GRID2: variants seen among roughly 807,000 people sequenced by gnomAD.
GRID2 encodes the protein glutamate receptor ionotropic, delta-2.
GRID2 carries 33 observed loss-of-function variants against 114.8 expected under a neutral mutation model. That is an observed-to-expected ratio of 0.29 (90% CI 0.22 to 0.38). The LOEUF (loss-of-function observed/expected upper bound fraction) is 0.38, where lower values mean the gene tolerates loss of function less well. GRID2 is among the 10% of genes least tolerant of loss of function. The probability of loss-of-function intolerance (pLI) is 1.00; values close to 1 mark genes in which losing one functional copy is unlikely to be tolerated. For synonymous variants in GRID2, 505 were observed against 449.9 expected, an observed-to-expected ratio of 1.12 and a Z score of -1.55; for missense variants, 1,184 against 1,257.7, an observed-to-expected ratio of 0.94 and a Z score of 0.89.
intron 14 of GRID2, among the ~76,000 whole-genome samples, chr4:93,765,957 A>C (rs538384303): frequency 3.6e-4 from 55 of 152,348 alleles, no homozygotes; most frequent in African/African-American, 1.3e-3. Flanking sequence ...AGATGAATAA[A>C]ACAGGAATGG....
chr4:92,956,849 A>G (rs933861291), intron 2 of GRID2, among the ~76,000 whole-genome samples: 2 of 152,170 alleles, frequency 1.3e-5, no homozygotes, highest in Non-Finnish European at 2.9e-5. Context: ...TGGCTATTCT[A>G]ATAGGTTTGT....
chr4:92,346,000 C>G (rs2110172998), intron 1 of GRID2, among the ~76,000 whole-genome samples: 1 of 152,264 alleles, frequency 6.6e-6, no homozygotes, highest in East Asian at 1.9e-4. Context: ...CACTTTACTT[C>G]TTGGGAAAGA....
intron 2 of GRID2, among the ~76,000 whole-genome samples, chr4:92,688,010 T>G (rs1344874480): frequency 6.7e-6 from 1 of 149,010 alleles, no homozygotes; most frequent in African/African-American, 2.4e-5. Flanking sequence ...GCCATGATGT[T>G]TGCCACATTG....
At chr4:92,553,619 T>C (rs577025082) in intron 1 of GRID2, among the ~76,000 whole-genome samples, 1 of 152,228 alleles carries the variant, frequency 6.6e-6, no homozygotes, top group East Asian at 1.9e-4. Context: ...ATTAATGACA[T>C]ACCTCCCCAA....
chr4:93,268,097 A>G (rs1483741148), intron 8 of GRID2, among the ~76,000 whole-genome samples: 2 of 152,014 alleles, frequency 1.3e-5, no homozygotes, highest in East Asian at 3.9e-4. Context: ...GATTCTGCCC[A>G]TTTTCTTTTT....
chr4:93,341,599 T>C (rs953851763), intron 8 of GRID2, among the ~76,000 whole-genome samples: 2 of 152,184 alleles, frequency 1.3e-5, no homozygotes, highest in African/African-American at 4.8e-5. Context: ...GCTAGGATTA[T>C]AGGCGTGAGC....
chr4:93,721,826 A>G (rs775947018), intron 14 of GRID2, among the ~76,000 whole-genome samples: 3 of 152,106 alleles, frequency 2.0e-5, no homozygotes, highest in Non-Finnish European at 4.4e-5. Flanking sequence ...TCATAATAAC[A>G]GGATTAAGTG....
chr4:92,464,319 C>T (rs1477488726), intron 1 of GRID2, among the ~76,000 whole-genome samples: 1 of 151,980 alleles, frequency 6.6e-6, no homozygotes, highest in Non-Finnish European at 1.5e-5. Context: ...CCGTTCTTTT[C>T]CTGTCCTAAC....
chr4:92,724,563 A>G (rs1398350947), intron 2 of GRID2, among the ~76,000 whole-genome samples: 4 of 152,220 alleles, frequency 2.6e-5, no homozygotes, highest in Non-Finnish European at 5.9e-5. Context: ...GTAAAATTGT[A>G]TGACTATTGT....
At position 92,512,932 on chromosome 4, in the gene GRID2, AACTT is replaced by A. The variant is rs1219889412; in HGVS notation, c.89-77194_89-77191del. On this transcript the variant is annotated intron_variant, in intron 1 of 15. Transcript: ENST00000282020. ...TATTGTGGTTGAGTCTTAAAGTTTT[AACTT>A]ACTTTGAATTGAGTGAGACATTGAG... Among the ~76,000 whole-genome samples the A allele has an allele frequency of 2.6e-5, 4 of 151,874 alleles. No individual in the cohort carries two copies. The East Asian group carries it at 5.8e-4, about 22-fold the overall frequency.
chr4:92,522,552 T>G (rs1482616478), intron 1 of GRID2, among the ~76,000 whole-genome samples: 1 of 151,942 alleles, frequency 6.6e-6, no homozygotes, highest in African/African-American at 2.4e-5. Flanking sequence ...ACCCTCCTAA[T>G]GAAGCTATTG....
Position 93,772,326 on chromosome 4 carries a change from G to A in GRID2, c.2852G>A (p.Gly951Asp), listed in dbSNP as rs777089501. 1.9e-6 allele frequency: 3 copies of A among 1,614,094 alleles called. No homozygotes were observed. Among genetic ancestry groups the A allele is most frequent in the Admixed American group, 3.3e-5 (2 of 59,990 alleles). Residue 951 changes from glycine to aspartate, a missense_variant, in exon 16 of 16, where the codon GGT (glycine) becomes GAT (aspartate). Physicochemically the swap from Gly to Asp is moderately conservative, Grantham distance 94. Coordinates refer to ENST00000282020, the MANE Select transcript of GRID2 (RefSeq NM_001510.4). ...ACACTGTCAGCTAAAGCTGCTTCTG[G>A]TTTCACTTTTGGCAACGTGCCTGAG... is the stretch of plus-strand genomic sequence containing the variant. ...SRTLSAKAAS[G>D]FTFGNVPEHR...
rs532865725 is a variant in GRID2 at position 93,007,416 on chromosome 4, C to T, written c.245-77579C>T. 1.4e-3 allele frequency among the ~76,000 whole-genome samples: 219 copies of T among 152,030 alleles called. 1 individual carries two copies. The highest frequency in any genetic ancestry group is 3.4e-3 in the Middle Eastern group (1 of 294). On this transcript the variant is annotated intron_variant, in intron 2 of 15. Transcript: ENST00000282020. ...AAAGGAAAAAAGAAAATTAGGTTGT[C>T]GTGAGAAATCTTCACAGCAATAGTC...
intron 1 of GRID2, among the ~76,000 whole-genome samples, chr4:92,407,240 G>C (rs181242245): frequency 6.6e-6 from 1 of 152,180 alleles, no homozygotes; most frequent in East Asian, 1.9e-4. Flanking sequence ...ACAGTTCAAG[G>C]TGATATTTGG....
At chr4:92,964,682 T>A (rs1279045336) in intron 2 of GRID2, among the ~76,000 whole-genome samples, 1 of 152,040 alleles carries the variant, frequency 6.6e-6, no homozygotes, top group Non-Finnish European at 1.5e-5. Context: ...TGGAGAAGAC[T>A]TTTCTCCTTA....
intron 1 of GRID2, among the ~76,000 whole-genome samples, chr4:92,452,208 C>T (rs975935227): frequency 2.0e-5 from 3 of 152,056 alleles, no homozygotes; most frequent in African/African-American, 7.2e-5. Flanking sequence ...TAATATTATG[C>T]CACATAAATG....
chr4:92,570,371 G>A (rs1727550245), intron 1 of GRID2, among the ~76,000 whole-genome samples: 1 of 152,100 alleles, frequency 6.6e-6, no homozygotes, highest in Admixed American at 6.6e-5. Context: ...CTGTGGTATA[G>A]TTTGAAGTGA....
At chr4:93,485,479 A>G (rs988578032) in intron 11 of GRID2, among the ~76,000 whole-genome samples, 11 of 151,678 alleles carry the variant, frequency 7.3e-5, no homozygotes, top group Admixed American at 1.3e-4. Flanking sequence ...ATATTCTCCT[A>G]TATAGTTTTC....
intron 2 of GRID2, among the ~76,000 whole-genome samples, chr4:92,774,201 T>C (rs926745988): frequency 6.6e-6 from 1 of 151,874 alleles, no homozygotes. Context: ...AAGCAGGAGT[T>C]AGACAGGAAA....
Sources: gnomAD v4.1 joint callset for allele counts (sites outside exome capture counted in the v4.1 genomes callset) on GRCh38, gnomAD v4.1.1 for gene constraint, MANE v1.5 for transcripts, NCBI Gene and HGNC (gene_info 2026-07-23, HGNC 2026-07-21) for gene names.